The following ZNF524 variants were observed in gnomAD, a reference collection of about 807,000 sequenced individuals.
ZNF524 encodes zinc finger protein 524.
For synonymous variants in ZNF524, 194 were observed against 166.3 expected (o/e 1.17, Z -1.28); for missense variants, 388 against 380.1 (o/e 1.02, Z -0.17).
Position 55,602,454 on chromosome 19 carries a change from C to G in ZNF524, c.342C>G (p.His114Gln). The change falls in exon 2 of 2, where the codon CAC (histidine) becomes CAG (glutamine). Residue 114 changes from histidine to glutamine, a missense_variant. Transcript: ENST00000301073. ...PEGSGPRKAP[H>Q]FCPVCLRAFP... ...GCTCTGGCCCCAGGAAGGCCCCACA[C>G]TTCTGCCCGGTGTGCCTGCGGGCCT... The G allele has an allele frequency of 1.3e-6, 2 of 1,597,460 alleles. No individual in the cohort carries two copies. Among genetic ancestry groups the G allele is most frequent in the South Asian group, 2.2e-5 (2 of 89,526 alleles).
At position 55,602,660 on chromosome 19, in the gene ZNF524, G is replaced by A. The variant is rs1269270377; in HGVS notation, c.548G>A (p.Gly183Asp). 6.3e-7 allele frequency: 1 copy of A among 1,594,224 alleles called. No individual in the cohort carries two copies. Among genetic ancestry groups the A allele is most frequent in the Non-Finnish European group, 8.5e-7 (1 of 1,176,076 alleles). ...TGCCCCCGCCGCTTCCGCGAGGCGGGCGAGCTGGCGCACCACCACCGCGTG... is the reference window on the plus strand; with the variant it reads ...TGCCCCCGCCGCTTCCGCGAGGCGGACGAGCTGGCGCACCACCACCGCGTG... The part of the protein sequence containing the change: ...PLCPRRFREA[G>D]ELAHHHRVHS... The change falls in exon 2 of 2, where the codon GGC (glycine) becomes GAC (aspartate). Residue 183 changes from glycine to aspartate, a missense_variant. Gly to Asp is a moderately conservative substitution (Grantham distance 94). Coordinates refer to ENST00000301073, the MANE Select transcript of ZNF524 (RefSeq NM_153219.4).
At position 55,602,645 on chromosome 19, in the gene ZNF524, G is replaced by A; in HGVS notation, c.533G>A (p.Arg178His). 9 of 1,592,552 alleles carry A rather than the reference G, an allele frequency of 5.7e-6. No homozygotes were observed. The highest frequency in any genetic ancestry group is 6.0e-6 in the Non-Finnish European group (7 of 1,175,206). The change falls in exon 2 of 2, where the codon CGC becomes CAC. Residue 178 changes from arginine to histidine, a missense_variant. Transcript: ENST00000301073. ...TTCCGCTGCCCGCTGTGCCCCCGCCGCTTCCGCGAGGCGGGCGAGCTGGCG... is the reference window on the plus strand; with the variant it reads ...TTCCGCTGCCCGCTGTGCCCCCGCCACTTCCGCGAGGCGGGCGAGCTGGCG... ...RPFRCPLCPR[R>H]FREAGELAHH...
intron 1 of ZNF524, chr19:55,601,070 G>C (rs1006315106): frequency 6.6e-6 from 1 of 152,336 alleles, no homozygotes; most frequent in South Asian, 2.1e-4. Context: ...TTTCAGAGGA[G>C]GAAACTGGCA....
rs1599996825 is a variant in ZNF524 at position 55,600,294 on chromosome 19, C to A, written c.-153C>A. 6.7e-6 allele frequency: 1 copy of A among 150,036 alleles called. No homozygotes were observed. Among genetic ancestry groups the A allele is most frequent in the Admixed American group, 6.6e-5 (1 of 15,090 alleles). 9.3% of individuals were successfully genotyped at this position (150,036 alleles called of 1,614,324 possible). On this transcript the variant is annotated 5_prime_UTR_variant, in exon 1 of 2. Coordinates refer to ENST00000301073, the MANE Select transcript of ZNF524 (RefSeq NM_153219.4). ...GGGGCCGGCACCGCGCGCCGCCGCC[C>A]CCGCCTCGCCGCCGCCGAGGGGCAG...
rs1227090620 is a variant in ZNF524 at position 55,602,709 on chromosome 19, G to C, written c.597G>C (p.Gln199His). 1.2e-6 allele frequency: 2 copies of C among 1,603,722 alleles called. No individual in the cohort carries two copies. The highest frequency in any genetic ancestry group is 1.7e-6 in the Non-Finnish European group (2 of 1,179,606). ...TGCACTCGGGGGAGCGCCCGTACCAGTGCCCCATCTGCCGGCTGCGCTTTA... is the reference window on the plus strand; with the variant it reads ...TGCACTCGGGGGAGCGCCCGTACCACTGCCCCATCTGCCGGCTGCGCTTTA... ...HRVHSGERPY[Q>H]CPICRLRFTE... is the part of the protein sequence containing the mutation. Residue 199 changes from glutamine (Q) to histidine (H), a missense_variant, in exon 2 of 2, where the codon CAG becomes CAC. Physicochemically the swap from Gln to His is conservative, Grantham distance 24. Transcript: ENST00000301073.
rs1002222868 is a variant in ZNF524, at chr19:55,602,597, A to G, written c.485A>G (p.Asn162Ser). Residue 162 changes from asparagine (N) to serine (S), a missense_variant, in exon 2 of 2, where the codon AAC becomes AGC. Physicochemically the swap from Asn to Ser is conservative, Grantham distance 46. Transcript: ENST00000301073. ...KRSSHLRRHC[N>S]IHAGLRPFRC... is the part of the protein sequence containing the mutation. The stretch of plus-strand genomic sequence containing the variant: ...TCCAGCCACCTGCGGCGGCACTGCA[A>G]CATCCATGCCGGCCTGCGGCCCTTC... The G allele has an allele frequency of 6.3e-7, 1 of 1,584,324 alleles. No homozygotes were observed. Among genetic ancestry groups the G allele is most frequent in the Non-Finnish European group, 8.5e-7 (1 of 1,171,664 alleles).
chr19:55,602,262 C>T lies in ZNF524; in HGVS notation c.150C>T (p.Leu50=), dbSNP rs370879238. Residue 50 remains leucine, a synonymous_variant, in exon 2 of 2, where the codon CTC becomes CTT. Transcript: ENST00000301073. ...CAAATCGGACACTCAAGGCCTCCCTCCCTCGCAAGCGGGGCCGCCCCCCCA... is the reference window on the plus strand; with the variant it reads ...CAAATCGGACACTCAAGGCCTCCCTTCCTCGCAAGCGGGGCCGCCCCCCCA... ...TSSNRTLKAS[L]PRKRGRPPKS... The T allele has an allele frequency of 1.2e-4, 189 of 1,605,400 alleles. 2 individuals carry two copies. Among genetic ancestry groups the T allele is most frequent in the Non-Finnish European group, 4.9e-5 (58 of 1,176,376 alleles).
At chr19:55,599,962 A>G (rs893153760), upstream of ZNF524, 1 of 152,208 alleles carries the variant, frequency 6.6e-6, no homozygotes, top group Non-Finnish European at 1.5e-5. Context: ...TGGGCTTCGA[A>G]GCCTGTCCGG....
In ZNF524 at chr19:55,602,535, G is replaced by A. The variant is rs762638496; in HGVS notation, c.423G>A (p.Pro141=). 5.7e-6 allele frequency: 9 copies of A among 1,592,286 alleles called. No homozygotes were observed. In the Admixed American group the frequency reaches 8.5e-5, roughly 15 times the overall value. ...RHSISHSELK[P]HQCKVCGKTF... is the part of the protein sequence containing the mutation. The stretch of plus-strand genomic sequence containing the variant: ...GCATCTCGCACTCAGAGCTGAAGCC[G>A]CACCAGTGCAAGGTTTGCGGCAAGA... The change falls in exon 2 of 2, where the codon CCG becomes CCA. Residue 141 remains proline, a synonymous_variant. Coordinates refer to ENST00000301073, the MANE Select transcript of ZNF524 (RefSeq NM_153219.4).
chr19:55,602,472 G>T lies in ZNF524; in HGVS notation c.360G>T (p.Leu120=). 6.3e-7 allele frequency: 1 copy of T among 1,598,526 alleles called. No homozygotes were observed. The change falls in exon 2 of 2, where the codon CTG becomes CTT. Residue 120 remains leucine (L), a synonymous_variant. Transcript: ENST00000301073. Reference sequence around the variant, plus strand: ...CCCCACACTTCTGCCCGGTGTGCCTGCGGGCCTTCCCCTACCTCTCCGACC... The same window carrying T: ...CCCCACACTTCTGCCCGGTGTGCCTTCGGGCCTTCCCCTACCTCTCCGACC... ...RKAPHFCPVC[L]RAFPYLSDLE...
chr19:55,602,993 C>T lies in ZNF524; in HGVS notation c.*86C>T. On this transcript the variant is annotated 3_prime_UTR_variant, in exon 2 of 2. Transcript: ENST00000301073. The stretch of plus-strand genomic sequence containing the variant: ...GGGCCTGAGCCAGGGGGCCGGGACA[C>T]CCTTGTTTCCGGTGGTCTTCCCGTT... 1 of 1,417,360 alleles carries T rather than the reference C, an allele frequency of 7.1e-7. No homozygotes were observed. Among genetic ancestry groups the T allele is most frequent in the Non-Finnish European group, 9.4e-7 (1 of 1,067,816 alleles). 87.8% of individuals were successfully genotyped at this position (1,417,360 alleles called of 1,614,324 possible).
Position 55,602,457 on chromosome 19 carries a change from CT to C in ZNF524, c.346del (p.Cys116AlafsTer24), listed in dbSNP as rs1210103022. On this transcript the variant is annotated frameshift_variant, in exon 2 of 2. Transcript: ENST00000301073. LOFTEE classifies it low-confidence loss of function (END_TRUNC). ...CTGGCCCCAGGAAGGCCCCACACTT[CT>C]GCCCGGTGTGCCTGCGGGCCTTCCC... The part of the protein sequence containing the change: ...GSGPRKAPHF[C>X]PVCLRAFPYL... The C allele has an allele frequency of 6.9e-6, 11 of 1,597,946 alleles. No individual in the cohort carries two copies. The highest frequency in any genetic ancestry group is 7.7e-6 in the Non-Finnish European group (9 of 1,176,352).
rs555469628 is a variant in ZNF524 at position 55,602,649 on chromosome 19, C to T, written c.537C>T (p.Phe179=). ...PFRCPLCPRR[F]REAGELAHHH... ...GCTGCCCGCTGTGCCCCCGCCGCTT[C>T]CGCGAGGCGGGCGAGCTGGCGCACC... Residue 179 remains phenylalanine, a synonymous_variant, in exon 2 of 2, where the codon TTC becomes TTT. Coordinates refer to ENST00000301073, the MANE Select transcript of ZNF524 (RefSeq NM_153219.4). 3.3e-5 allele frequency: 53 copies of T among 1,593,456 alleles called. No homozygotes were observed. In the African/African-American group the frequency reaches 5.7e-4, roughly 17 times the overall value.
At position 55,603,056 on chromosome 19, in the gene ZNF524, G is replaced by C; in HGVS notation, c.*149G>C. ...GGAGGGTGGAGACCTAAACTTTGGG[G>C]TCCAGCTGCCTTCAGCCCCCCTCCC... On this transcript the variant is annotated 3_prime_UTR_variant, in exon 2 of 2. Coordinates refer to ENST00000301073, the MANE Select transcript of ZNF524 (RefSeq NM_153219.4). 3 of 959,120 alleles carry C rather than the reference G, an allele frequency of 3.1e-6. No homozygotes were observed. Among genetic ancestry groups the C allele is most frequent in the Non-Finnish European group, 4.6e-6 (3 of 654,616 alleles). The allele number at this position is 959,120 out of a possible 1,614,324, so 59.4% of individuals were successfully genotyped here. A position where few individuals can be genotyped will look rare whatever the true frequency, so the allele number is the denominator to read the frequency against.
Position 55,602,786 on chromosome 19 carries a change from TG to T in ZNF524, c.679del (p.Val227TyrfsTer?). On this transcript the variant is annotated frameshift_variant, in exon 2 of 2. Coordinates refer to ENST00000301073, the MANE Select transcript of ZNF524 (RefSeq NM_153219.4). LOFTEE classifies it low-confidence loss of function (END_TRUNC). ...RHAKRKHPEA[M>X]GVPLCAPDPG... ...GCGAAGCGCAAGCACCCGGAGGCCA[TG>T]GGGGTACCCCTGTGTGCACCAGATC... 6.2e-7 allele frequency: 1 copy of T among 1,611,104 alleles called. No individual in the cohort carries two copies.
chr19:55,599,939 A>G (rs1423054), upstream of ZNF524: 1 of 152,074 alleles, frequency 6.6e-6, no homozygotes, highest in South Asian at 2.1e-4. Context: ...CATCTTATCC[A>G]CTTAGCACTC....
chr19:55,602,813 C>A lies in ZNF524; in HGVS notation c.701C>A (p.Pro234Gln). 6.2e-7 allele frequency: 1 copy of A among 1,611,200 alleles called. No individual in the cohort carries two copies. Among genetic ancestry groups the A allele is most frequent in the Admixed American group, 1.7e-5 (1 of 59,918 alleles). Residue 234 changes from proline to glutamine, a missense_variant, in exon 2 of 2, where the codon CCA becomes CAA. Physicochemically the swap from Pro to Gln is moderately conservative, Grantham distance 76. Transcript: ENST00000301073. ...GGGGTACCCCTGTGTGCACCAGATC[C>A]AGGGTCTGAACCGCCGTGGGACGAG... is the stretch of plus-strand genomic sequence containing the variant. The part of the protein sequence containing the change: ...AMGVPLCAPD[P>Q]GSEPPWDEEG...
In ZNF524 at chr19:55,602,434, G is replaced by A; in HGVS notation, c.322G>A (p.Gly108Ser). ...EGSAAGPEGS[G>S]PRKAPHFCPV... ...TTCAGCGGCTGGGCCTGAGGGCTCT[G>A]GCCCCAGGAAGGCCCCACACTTCTG... The change falls in exon 2 of 2, where the codon GGC becomes AGC. Residue 108 changes from glycine to serine, a missense_variant. Gly to Ser is a moderately conservative substitution (Grantham distance 56). Transcript: ENST00000301073. 6.3e-7 allele frequency: 1 copy of A among 1,593,706 alleles called. No individual in the cohort carries two copies. The highest frequency in any genetic ancestry group is 8.5e-7 in the Non-Finnish European group (1 of 1,173,300).
chr19:55,602,252 A>G lies in ZNF524; in HGVS notation c.140A>G (p.Lys47Arg), dbSNP rs776207379. The G allele has an allele frequency of 3.7e-6, 6 of 1,610,456 alleles. No homozygotes were observed. The South Asian group carries it at 6.6e-5, about 18-fold the overall frequency. ...GCCACCTCCTCAAATCGGACACTCA[A>G]GGCCTCCCTCCCTCGCAAGCGGGGC... ...GGATSSNRTL[K>R]ASLPRKRGRP... The change falls in exon 2 of 2, where the codon AAG becomes AGG. Residue 47 changes from lysine to arginine, a missense_variant. Lys to Arg is a conservative substitution (Grantham distance 26). Coordinates refer to ENST00000301073, the MANE Select transcript of ZNF524 (RefSeq NM_153219.4).
Sources: gnomAD v4.1 joint callset for allele counts on GRCh38, gnomAD v4.1.1 for gene constraint, MANE v1.5 for transcripts, NCBI Gene and HGNC (gene_info 2026-07-23, HGNC 2026-07-21) for gene names.